The following TXNDC15 variants were observed in gnomAD, a reference collection of about 807,000 sequenced individuals.
TXNDC15 encodes the protein thioredoxin domain containing 15.
In TXNDC15, 24 loss-of-function variants were observed where a neutral mutation model predicts 35.0. The observed-to-expected ratio is 0.68, with a 90% CI of 0.50 to 0.96. The LOEUF (loss-of-function observed/expected upper bound fraction) is 0.96, where lower values mean the gene tolerates loss of function less well. TXNDC15 is among the 40% of genes least tolerant of loss of function. The probability of loss-of-function intolerance (pLI) is 0.00; values close to 1 mark genes in which losing one functional copy is unlikely to be tolerated. For synonymous variants in TXNDC15, 169 were observed against 174.0 expected (o/e 0.97, Z 0.23); for missense variants, 385 against 453.3 (o/e 0.85, Z 1.37).
rs1189322560 is a variant in TXNDC15, at chr5:134,887,805, G to A, written c.214G>A (p.Asp72Asn). 6 of 1,614,088 alleles carry A rather than the reference G, an allele frequency of 3.7e-6. No homozygotes were observed. Among genetic ancestry groups the A allele is most frequent in the Non-Finnish European group, 5.1e-6 (6 of 1,180,056 alleles). ...EELLHDPMGQ[D>N]RAAEEANAVL... ...GCTCCTGCATGACCCGATGGGCCAG[G>A]ACAGGGCAGCAGAAGAGGCCAATGC... The change falls in exon 2 of 5, where the codon GAC becomes AAC. Residue 72 changes from aspartate (D) to asparagine (N), a missense_variant. By Grantham distance (23) the Asp-to-Asn change is conservative. Transcript: ENST00000358387.
At chr5:134,889,227 C>T (rs1750339390) in intron 2 of TXNDC15, among the ~76,000 whole-genome samples, 1 of 152,020 alleles carries the variant, frequency 6.6e-6, no homozygotes. Context: ...GGACGGTGTA[C>T]CCTTTTTCTT....
At chr5:134,897,518 A>G (rs1351155198) in intron 4 of TXNDC15, among the ~76,000 whole-genome samples, 1 of 152,316 alleles carries the variant, frequency 6.6e-6, no homozygotes, top group Non-Finnish European at 1.5e-5. Context: ...CAGAGTGCTC[A>G]GATTACAGGT....
intron 1 of TXNDC15, among the ~76,000 whole-genome samples, chr5:134,881,633 C>T (rs1750146834): frequency 7.2e-6 from 1 of 139,590 alleles, no homozygotes; most frequent in African/African-American, 2.7e-5. Context: ...ATCTTTTCCC[C>T]ACCTTTCCCC....
chr5:134,882,158 T>A (rs1750164483), intron 1 of TXNDC15, among the ~76,000 whole-genome samples: 1 of 146,514 alleles, frequency 6.8e-6, no homozygotes, highest in African/African-American at 2.6e-5. Flanking sequence ...CGCTCCTCAC[T>A]TCTCAGACGG....
At chr5:134,895,828 G>T (rs1246802605) in intron 3 of TXNDC15, among the ~76,000 whole-genome samples, 1 of 152,194 alleles carries the variant, frequency 6.6e-6, no homozygotes, top group Admixed American at 6.5e-5. Context: ...TGCCCTAATT[G>T]TGAACATCCT....
At chr5:134,878,008 CAGGTGATCTGCCCGCCTTGACCTCCCAA>C (rs1750074607) in intron 1 of TXNDC15, among the ~76,000 whole-genome samples, 1 of 152,192 alleles carries the variant, frequency 6.6e-6, no homozygotes, top group South Asian at 2.1e-4. Flanking sequence ...CTCCTGACCT[CAGGTGATCTGCCCGCCTTGACCTCCCAA>C]AGTGCTGGGA....
Position 134,888,073 on chromosome 5 carries a change from C to T in TXNDC15, c.482C>T (p.Thr161Ile), listed in dbSNP as rs1418467023. 2 of 1,614,166 alleles carry T rather than the reference C, an allele frequency of 1.2e-6. No homozygotes were observed. Among genetic ancestry groups the T allele is most frequent in the Non-Finnish European group, 1.7e-6 (2 of 1,180,022 alleles). Residue 161 changes from threonine (T) to isoleucine (I), a missense_variant, in exon 2 of 5, where the codon ACA (threonine) becomes ATA (isoleucine). Thr to Ile is a moderately conservative substitution (Grantham distance 89). Transcript: ENST00000358387. ...GTGGCGGAATCTGACGCAGCCCCGA[C>T]AGAGGACTCCAATAACACTGAAAGT... ...PEVAESDAAPTEDSNNTESLK... is the reference protein window; with the variant it reads ...PEVAESDAAPIEDSNNTESLK...
chr5:134,900,744 G>A lies in TXNDC15; in HGVS notation c.*1059G>A, dbSNP rs1232309849. 6.6e-6 allele frequency: 1 copy of A among 151,802 alleles called. No individual in the cohort carries two copies. The highest frequency in any genetic ancestry group is 1.5e-5 in the Non-Finnish European group (1 of 68,002). 9.4% of individuals were successfully genotyped at this position (151,802 alleles called of 1,614,324 possible). On this transcript the variant is annotated 3_prime_UTR_variant, in exon 5 of 5. Transcript: ENST00000358387. The stretch of plus-strand genomic sequence containing the variant: ...TTGCCCACAAGTTGATTCTAGTCTA[G>A]TTCAAGACACATGTTTAGTAAAGAG...
intron 1 of TXNDC15, among the ~76,000 whole-genome samples, chr5:134,882,291 C>T (rs973247937): frequency 7.9e-5 from 12 of 151,328 alleles, no homozygotes; most frequent in East Asian, 2.0e-4. Context: ...GGATGGCGGC[C>T]GGGAAGAGGC....
At chr5:134,873,919 A>C (rs1165078040), upstream of TXNDC15, 1 of 152,448 alleles carries the variant, frequency 6.6e-6, no homozygotes, top group Non-Finnish European at 1.5e-5. Context: ...TTCAAATATA[A>C]CTGGGTATCA....
chr5:134,876,870 T>G (rs1026584947), intron 1 of TXNDC15, among the ~76,000 whole-genome samples: 4 of 151,914 alleles, frequency 2.6e-5, no homozygotes, highest in African/African-American at 9.7e-5. Context: ...ACTCCTGGCT[T>G]CAATACCCCT....
At chr5:134,892,900 T>C (rs1423871837) in intron 2 of TXNDC15, 1 of 152,794 alleles carries the variant, frequency 6.5e-6, no homozygotes, top group Admixed American at 6.5e-5. Context: ...CTGTCTTCTA[T>C]GGGTACAGTT....
chr5:134,874,916 C>T (rs1445615772), intron 1 of TXNDC15, among the ~76,000 whole-genome samples: 1 of 152,260 alleles, frequency 6.6e-6, no homozygotes, highest in Non-Finnish European at 1.5e-5. Flanking sequence ...AACTGTGCAT[C>T]GTGCTTTATT....
chr5:134,874,601 C>T, intron 1 of TXNDC15, 71 bp downstream of exon 1: 1 of 1,319,428 alleles, frequency 7.6e-7, no homozygotes, highest in Non-Finnish European at 1.0e-6. Context: ...ACGCTCTGGA[C>T]CTGCGCGAAG....
chr5:134,888,382 T>G (rs1750320686), intron 2 of TXNDC15, among the ~76,000 whole-genome samples, 200 bp downstream of exon 2: 1 of 152,200 alleles, frequency 6.6e-6, no homozygotes, highest in Non-Finnish European at 1.5e-5. Flanking sequence ...GTGTTGATTA[T>G]GCTTTTCAGA....
intron 1 of TXNDC15, among the ~76,000 whole-genome samples, chr5:134,877,688 A>G (rs1345023553): frequency 1.3e-5 from 2 of 151,588 alleles, no homozygotes; most frequent in Admixed American, 6.6e-5. Context: ...GCTCACTGCA[A>G]CCTCCACCTC....
At chr5:134,888,467 T>TG (rs1400666173) in intron 2 of TXNDC15, among the ~76,000 whole-genome samples, 1 of 152,170 alleles carries the variant, frequency 6.6e-6, no homozygotes, top group Non-Finnish European at 1.5e-5. Context: ...GACAGATAGT[T>TG]GCTTGGCACC....
intron 3 of TXNDC15, 171 bp from the exon 4 acceptor site, chr5:134,896,123 T>G: frequency 1.5e-6 from 1 of 648,576 alleles, no homozygotes; most frequent in Non-Finnish European, 2.5e-6. Flanking sequence ...CCATGACCCA[T>G]AAGCAAAGAG....
At chr5:134,892,038 A>C (rs189211010) in intron 2 of TXNDC15, 1 of 152,334 alleles carries the variant, frequency 6.6e-6, no homozygotes, top group South Asian at 2.1e-4. Context: ...TTGTCTAGCT[A>C]TGAAAGTCCT....
Sources: gnomAD v4.1 joint callset for allele counts (sites outside exome capture counted in the v4.1 genomes callset) on GRCh38, gnomAD v4.1.1 for gene constraint, MANE v1.5 for transcripts, NCBI Gene and HGNC (gene_info 2026-07-23, HGNC 2026-07-21) for gene names.